Variants in TMTC2 observed in about 807,000 individuals in gnomAD.
The protein encoded by TMTC2 is transmembrane O-mannosyltransferase targeting cadherins 2, also known as protein O-mannosyl-transferase TMTC2.
A neutral mutation model predicts 82.4 loss-of-function variants in TMTC2; 43 were observed. The observed-to-expected ratio is 0.52, with a 90% CI of 0.41 to 0.67. TMTC2 has a LOEUF of 0.67. Among genes scored for constraint, TMTC2 ranks in the 30% least tolerant of loss-of-function variants. The pLI, the probability that TMTC2 is intolerant of heterozygous loss-of-function variation, is 0.00. For synonymous variants in TMTC2, 408 were observed against 381.9 expected, an observed-to-expected ratio of 1.07 and a Z score of -0.80; for missense variants, 919 against 1,012.4, an observed-to-expected ratio of 0.91 and a Z score of 1.25.
chr12:83,132,100 G>A (rs746077188), intron 11 of TMTC2, 110 bp from the exon 12 acceptor site: 4 of 1,289,854 alleles, frequency 3.1e-6, no homozygotes, highest in Non-Finnish European at 4.1e-6. Context: ...TTCACAAAAT[G>A]CCTCTAGACA....
chr12:83,075,359 GGAGCTGCAATCTA>G lies in TMTC2; in HGVS notation c.2331+13530_2331+13542del, dbSNP rs567804436. Among the ~76,000 whole-genome samples, 56 of 152,234 alleles carry G rather than the reference GGAGCTGCAATCTA, an allele frequency of 3.7e-4. No individual in the cohort carries two copies. In the East Asian group the frequency reaches 8.9e-3, roughly 24 times the overall value. On this transcript the variant is annotated intron_variant, in intron 11 of 11. Coordinates refer to ENST00000321196, the MANE Select transcript of TMTC2 (RefSeq NM_152588.3). Reference sequence around the variant, plus strand: ...CAAACCTCCGCAAGCTGCTCTGTCTGGAGCTGCAATCTAGTCCTGCCTCCCATCCTCCATGATG... The same window carrying G: ...CAAACCTCCGCAAGCTGCTCTGTCTGGTCCTGCCTCCCATCCTCCATGATG...
At chr12:83,081,988 A>C (rs1436609015) in intron 11 of TMTC2, among the ~76,000 whole-genome samples, 3 of 152,210 alleles carry the variant, frequency 2.0e-5, no homozygotes, top group African/African-American at 4.8e-5. Flanking sequence ...TCTCTAAAAA[A>C]AATTTAAATG....
At chr12:82,812,522 T>C (rs1868456310) in intron 1 of TMTC2, among the ~76,000 whole-genome samples, 1 of 152,132 alleles carries the variant, frequency 6.6e-6, no homozygotes, top group Non-Finnish European at 1.5e-5. Context: ...TTGAAATGTA[T>C]ATAGATCCAA....
intron 11 of TMTC2, among the ~76,000 whole-genome samples, chr12:83,126,427 A>T (rs1331443697): frequency 6.6e-6 from 1 of 152,170 alleles, no homozygotes; most frequent in Non-Finnish European, 1.5e-5. Context: ...AAAATATAAT[A>T]AAAAACCTGC....
At chr12:83,095,571 A>T (rs1351679781) in intron 11 of TMTC2, among the ~76,000 whole-genome samples, 1 of 152,164 alleles carries the variant, frequency 6.6e-6, no homozygotes, top group Non-Finnish European at 1.5e-5. Context: ...TTTCAGAAGG[A>T]TAGAGTTGCT....
At chr12:83,026,393 T>G (rs1211200468) in intron 8 of TMTC2, among the ~76,000 whole-genome samples, 1 of 152,060 alleles carries the variant, frequency 6.6e-6, no homozygotes, top group Non-Finnish European at 1.5e-5. Context: ...AAAATTTACA[T>G]CTTTAAATAT....
intron 9 of TMTC2, among the ~76,000 whole-genome samples, chr12:83,035,558 A>T (rs1881629613): frequency 6.6e-6 from 1 of 152,224 alleles, no homozygotes; most frequent in African/African-American, 2.4e-5. Flanking sequence ...ATGCGTAGAA[A>T]ATAGGTTTCA....
At chr12:83,048,747 C>CA (rs1195814512) in intron 9 of TMTC2, among the ~76,000 whole-genome samples, 2 of 152,216 alleles carry the variant, frequency 1.3e-5, no homozygotes, top group African/African-American at 4.8e-5. Flanking sequence ...CAGCTCACTG[C>CA]AACCTCCGCC....
chr12:83,049,303 T>C (rs1882257761), intron 9 of TMTC2, among the ~76,000 whole-genome samples: 1 of 152,134 alleles, frequency 6.6e-6, no homozygotes, highest in Non-Finnish European at 1.5e-5. Flanking sequence ...TTTTTTGATC[T>C]GCCCCCTCCC....
At chr12:82,693,247 G>A (rs1342261179) in intron 1 of TMTC2, among the ~76,000 whole-genome samples, 1 of 152,158 alleles carries the variant, frequency 6.6e-6, no homozygotes, top group Non-Finnish European at 1.5e-5. Context: ...TTTTACTCAT[G>A]TTTATTTTTA....
intron 2 of TMTC2, among the ~76,000 whole-genome samples, chr12:82,879,008 T>C (rs773626421): frequency 6.6e-6 from 1 of 152,212 alleles, no homozygotes; most frequent in Non-Finnish European, 1.5e-5. Context: ...CCAACACATA[T>C]AGACATCAAT....
chr12:82,983,730 T>G lies in TMTC2; in HGVS notation c.1949-2195T>G, dbSNP rs549164173. Among the ~76,000 whole-genome samples the G allele has an allele frequency of 2.0e-5, 3 of 152,174 alleles. No homozygotes were observed. In the South Asian group the frequency reaches 6.2e-4, roughly 31 times the overall value. ...AGCACTTGAAGATCCAAAGTGAATT[T>G]CAGTTTGATTTTGTATGGGACCTGT... On this transcript the variant is annotated intron_variant, in intron 7 of 11. Coordinates refer to ENST00000321196, the MANE Select transcript of TMTC2 (RefSeq NM_152588.3).
At chr12:83,006,903 A>G (rs146572880) in intron 8 of TMTC2, among the ~76,000 whole-genome samples, 33 of 152,326 alleles carry the variant, frequency 2.2e-4, no homozygotes, top group African/African-American at 7.5e-4. Context: ...GGAATTGAAC[A>G]ATGAGAACAC....
At chr12:82,807,949 T>C (rs1879316542) in intron 1 of TMTC2, among the ~76,000 whole-genome samples, 1 of 152,060 alleles carries the variant, frequency 6.6e-6, no homozygotes, top group Non-Finnish European at 1.5e-5. Context: ...ATTAGGACTT[T>C]CTTATAATGG....
intron 9 of TMTC2, among the ~76,000 whole-genome samples, chr12:83,046,563 A>G (rs1265671007): frequency 1.3e-5 from 2 of 152,126 alleles, no homozygotes; most frequent in Non-Finnish European, 2.9e-5. Context: ...GCCGTAATCG[A>G]GTTTCTCTTT....
intron 1 of TMTC2, among the ~76,000 whole-genome samples, chr12:82,723,808 G>A (rs182286537): frequency 1.4e-4 from 22 of 152,290 alleles, no homozygotes; most frequent in Non-Finnish European, 3.1e-4. Context: ...AAAGCATCTA[G>A]GACTTCTGAA....
intron 1 of TMTC2, among the ~76,000 whole-genome samples, chr12:82,789,374 A>G (rs1221557423): frequency 2.0e-5 from 3 of 152,146 alleles, no homozygotes; most frequent in African/African-American, 4.8e-5. Flanking sequence ...AGGCTTAAGT[A>G]TACTATAATG....
chr12:83,046,562 G>A (rs1429528855), intron 9 of TMTC2, among the ~76,000 whole-genome samples: 1 of 152,124 alleles, frequency 6.6e-6, no homozygotes, highest in African/African-American at 2.4e-5. Flanking sequence ...TGCCGTAATC[G>A]AGTTTCTCTT....
intron 8 of TMTC2, 198 bp downstream of exon 8, chr12:82,986,244 T>A: frequency 1.7e-6 from 1 of 597,848 alleles, no homozygotes. Context: ...AGATAAGATG[T>A]GAGATGTCTG....
Sources: allele counts gnomAD v4.1 joint callset (sites outside exome capture counted in the v4.1 genomes callset), GRCh38; gene constraint gnomAD v4.1.1; transcripts MANE v1.5; gene names NCBI Gene and HGNC (gene_info 2026-07-23, HGNC 2026-07-21).